The following RFT1 variants were observed in gnomAD, a reference collection of about 807,000 sequenced individuals.
The protein encoded by RFT1 is RFT1 glycolipid translocator homolog.
RFT1 carries 43 observed loss-of-function variants against 62.2 expected under a neutral mutation model. The ratio of observed to expected loss-of-function variants is 0.69; its 90% CI spans 0.54 to 0.89. The LOEUF is 0.89. Among genes scored for constraint, RFT1 ranks in the 40% least tolerant of loss-of-function variants. The probability of loss-of-function intolerance (pLI) is 0.00; values close to 1 mark genes in which losing one functional copy is unlikely to be tolerated. For missense variants in RFT1, 605 were observed against 649.9 expected, an observed-to-expected ratio of 0.93 and a Z score of 0.75; for synonymous variants, 262 against 264.6, an observed-to-expected ratio of 0.99 and a Z score of 0.10.
chr3:53,117,726 G>A (rs142059080), intron 6 of RFT1, among the ~76,000 whole-genome samples: 356 of 152,218 alleles, frequency 2.3e-3, no homozygotes, highest in Non-Finnish European at 1.7e-3. Flanking sequence ...TGGTGATATC[G>A]GTTGTCACTT....
chr3:53,129,933 A>T (rs1425589782), intron 1 of RFT1, among the ~76,000 whole-genome samples: 1 of 152,174 alleles, frequency 6.6e-6, no homozygotes, highest in Non-Finnish European at 1.5e-5. Context: ...GCTATGCCAT[A>T]TGGACTCTCG....
chr3:53,092,327 C>G (rs1289316988), intron 12 of RFT1, 42 bp downstream of exon 12: 1 of 1,578,226 alleles, frequency 6.3e-7, no homozygotes, highest in African/African-American at 1.3e-5. Context: ...GACAGCGGGG[C>G]AGCTGCAGAA....
At chr3:53,115,392 T>C (rs1334901359) in intron 6 of RFT1, among the ~76,000 whole-genome samples, 1 of 152,148 alleles carries the variant, frequency 6.6e-6, no homozygotes, top group East Asian at 1.9e-4. Context: ...GGCAAGCTCC[T>C]CAATACAGAC....
At chr3:53,115,347 G>T (rs949424698) in intron 6 of RFT1, among the ~76,000 whole-genome samples, 3 of 151,670 alleles carry the variant, frequency 2.0e-5, no homozygotes, top group African/African-American at 7.3e-5. Context: ...AGGACTGAAT[G>T]AAAAAAAATA....
At position 53,103,978 on chromosome 3, in the gene RFT1, T is replaced by G; in HGVS notation, c.1077A>C (p.Gly359=). ...CGGATCCTGAGCTAAGCATGGTCCCTCCGTAGATATCCAGAGCCAGCTGAG... is the reference window on the plus strand; with the variant it reads ...CGGATCCTGAGCTAAGCATGGTCCCGCCGTAGATATCCAGAGCCAGCTGAG... ...AYSQLALDIY[G]GTMLSSGSGP... is the part of the protein sequence containing the mutation. Residue 359 remains glycine, a synonymous_variant, in exon 10 of 13, where the codon GGA becomes GGC. Transcript: ENST00000296292. 8.7e-6 allele frequency: 14 copies of G among 1,614,166 alleles called. No individual in the cohort carries two copies. The highest frequency in any genetic ancestry group is 1.3e-5 in the African/African-American group (1 of 75,032).
intron 1 of RFT1, among the ~76,000 whole-genome samples, chr3:53,128,503 C>T (rs1702173712): frequency 6.6e-6 from 1 of 152,158 alleles, no homozygotes; most frequent in Non-Finnish European, 1.5e-5. Context: ...TCATTTACTT[C>T]TGCAAAGAAC....
chr3:53,082,538 C>T, the RFT1 span, among the ~76,000 whole-genome samples: 1 of 151,964 alleles, frequency 6.6e-6, no homozygotes, highest in South Asian at 2.1e-4. Context: ...GGGAAATTAG[C>T]CCAGAGCTAA....
chr3:53,127,179 G>A (rs928199591), intron 1 of RFT1, among the ~76,000 whole-genome samples: 1 of 152,172 alleles, frequency 6.6e-6, no homozygotes, highest in African/African-American at 2.4e-5. Context: ...CACTTTGGGA[G>A]GCCGAGGCGG....
chr3:53,119,802 A>G (rs1190257824), intron 6 of RFT1, 82 bp downstream of exon 6: 2 of 1,269,524 alleles, frequency 1.6e-6, no homozygotes, highest in East Asian at 4.7e-5. Flanking sequence ...GATTATAACA[A>G]TAAACCAGTT....
the RFT1 span, among the ~76,000 whole-genome samples, chr3:53,069,785 C>T: frequency 6.6e-6 from 1 of 152,204 alleles, no homozygotes; most frequent in African/African-American, 2.4e-5. Context: ...CTGTGGCGGC[C>T]ACTGCAGTGA....
intron 7 of RFT1, among the ~76,000 whole-genome samples, chr3:53,107,667 T>C (rs1575491172): frequency 6.7e-6 from 1 of 149,886 alleles, no homozygotes; most frequent in African/African-American, 2.5e-5. Context: ...CACGTCTGAG[T>C]TCATGATTCA....
chr3:53,068,926 C>A, the RFT1 span, among the ~76,000 whole-genome samples: 6 of 152,096 alleles, frequency 3.9e-5, no homozygotes, highest in Non-Finnish European at 8.8e-5. Context: ...GCTTTGTGTT[C>A]GGTGACATTT....
intron 11 of RFT1, among the ~76,000 whole-genome samples, chr3:53,093,458 A>G (rs1431584827): frequency 6.6e-6 from 1 of 152,232 alleles, no homozygotes; most frequent in Non-Finnish European, 1.5e-5. Flanking sequence ...AGCCAAGAAC[A>G]AAATCCCCTA....
At position 53,105,701 on chromosome 3, in the gene RFT1, C is replaced by T. The variant is rs1701450398; in HGVS notation, c.929G>A (p.Arg310Lys). 1 of 1,613,744 alleles carries T rather than the reference C, an allele frequency of 6.2e-7. No individual in the cohort carries two copies. Among genetic ancestry groups the T allele is most frequent in the Non-Finnish European group, 8.5e-7 (1 of 1,179,882 alleles). The change falls in exon 9 of 13, where the codon AGG (arginine) becomes AAG (lysine). Residue 310 changes from arginine (R) to lysine (K), a missense_variant. By Grantham distance (26) the Arg-to-Lys change is conservative. Transcript: ENST00000296292. ...FYIFFAKVLE[R>K]GKDATLQKQE... Reference sequence around the variant, plus strand: ...CTTCTGAAGTGTGGCATCCTTTCCCCTCTCCAGCACCTTAGCAAAAAATAT... The same window carrying T: ...CTTCTGAAGTGTGGCATCCTTTCCCTTCTCCAGCACCTTAGCAAAAAATAT...
At chr3:53,100,526 T>C (rs1701280324) in intron 10 of RFT1, among the ~76,000 whole-genome samples, 1 of 152,082 alleles carries the variant, frequency 6.6e-6, no homozygotes, top group African/African-American at 2.4e-5. Flanking sequence ...AAACTGACCA[T>C]CAACAGAAGA....
chr3:53,116,026 TG>T (rs1701780645), intron 6 of RFT1, among the ~76,000 whole-genome samples: 1 of 152,224 alleles, frequency 6.6e-6, no homozygotes, highest in African/African-American at 2.4e-5. Context: ...CCCTCAGAAA[TG>T]TCAATGAATA....
Position 53,092,038 on chromosome 3 carries a change from G to A in RFT1, c.1491C>T (p.Ala497=). The A allele has an allele frequency of 6.2e-7, 1 of 1,614,252 alleles. No individual in the cohort carries two copies. ...VFLCCEQGWP[A]RLAHIAVGAF... is the part of the protein sequence containing the mutation. ...CCCCCACAGCAATGTGTGCCAGTCT[G>A]GCTGGCCAGCCCTGCTCACAGCAGA... Residue 497 remains alanine, a synonymous_variant, in exon 13 of 13, where the codon GCC becomes GCT. Transcript: ENST00000296292.
chr3:53,114,556 G>A (rs1024207829), intron 6 of RFT1, among the ~76,000 whole-genome samples: 5 of 152,142 alleles, frequency 3.3e-5, no homozygotes, highest in Non-Finnish European at 7.3e-5. Flanking sequence ...AGTGGTGGGA[G>A]AGAGGAAGCA....
At chr3:53,117,701 G>A (rs1701848586) in intron 6 of RFT1, among the ~76,000 whole-genome samples, 1 of 152,192 alleles carries the variant, frequency 6.6e-6, no homozygotes, top group Non-Finnish European at 1.5e-5. Flanking sequence ...TGCTCTCAGG[G>A]TGTCAGTGTG....
Sources: allele counts gnomAD v4.1 joint callset (sites outside exome capture counted in the v4.1 genomes callset), GRCh38; gene constraint gnomAD v4.1.1; transcripts MANE v1.5; gene names NCBI Gene and HGNC (gene_info 2026-07-23, HGNC 2026-07-21).